The following BRAF variants were observed in gnomAD, a reference collection of about 807,000 sequenced individuals.
BRAF encodes B-Raf proto-oncogene, serine/threonine kinase, also known as serine/threonine-protein kinase B-raf.
In BRAF, 16 loss-of-function variants were observed where a neutral mutation model predicts 104.6. That is an observed-to-expected ratio of 0.15 (90% CI 0.10 to 0.23). The LOEUF is 0.23. Among genes scored for constraint, BRAF ranks in the 10% least tolerant of loss-of-function variants. The pLI is 1.00. For missense variants in BRAF, 541 were observed against 937.3 expected, an observed-to-expected ratio of 0.58 and a Z score of 5.52; for synonymous variants, 310 against 341.6, an observed-to-expected ratio of 0.91 and a Z score of 1.02.
At chr7:140,761,347 T>C (rs188272897) in intron 14 of BRAF, among the ~76,000 whole-genome samples, 8 of 152,120 alleles carry the variant, frequency 5.3e-5, no homozygotes, top group South Asian at 2.1e-4. Context: ...CTGAGAGATT[T>C]TGCCACCCCC....
rs777038089 is a variant in BRAF at position 140,778,037 on chromosome 7, T to A, written c.1591A>T (p.Thr531Ser). 1 of 1,613,350 alleles carries A rather than the reference T, an allele frequency of 6.2e-7. No individual in the cohort carries two copies. Among genetic ancestry groups the A allele is most frequent in the Non-Finnish European group, 8.5e-7 (1 of 1,179,776 alleles). The change falls in exon 13 of 20, where the codon ACA becomes TCA. Residue 531 changes from threonine (T) to serine (S), a missense_variant. Transcript: ENST00000644969. ...TTGAAGGCTTGTAACTGCTGAGGTG[T>A]AGGTGCTGTCACATTCAACATTTTC... ...AVKMLNVTAPTPQQLQAFKNE... is the reference protein window; with the variant it reads ...AVKMLNVTAPSPQQLQAFKNE...
intron 1 of BRAF, among the ~76,000 whole-genome samples, chr7:140,852,375 C>T (rs543775535): frequency 7.5e-5 from 11 of 147,458 alleles, no homozygotes; most frequent in South Asian, 4.4e-4. Flanking sequence ...TTTCTACCGC[C>T]ACCCCACAAC....
intron 3 of BRAF, among the ~76,000 whole-genome samples, chr7:140,821,166 T>C (rs780048505): frequency 2.0e-5 from 3 of 152,112 alleles, no homozygotes; most frequent in Non-Finnish European, 2.9e-5. Flanking sequence ...TAATTTTTTG[T>C]AGAGACAGGG....
chr7:140,838,073 CCAT>C (rs1250702218), intron 2 of BRAF, among the ~76,000 whole-genome samples: 1 of 152,148 alleles, frequency 6.6e-6, no homozygotes, highest in Non-Finnish European at 1.5e-5. Flanking sequence ...ACCACCACCA[CCAT>C]TTCTTTTGGT....
chr7:140,808,026 G>A lies in BRAF; in HGVS notation c.645C>T (p.Ser215=). 6.2e-7 allele frequency: 1 copy of A among 1,613,338 alleles called. No homozygotes were observed. Among genetic ancestry groups the A allele is most frequent in the African/African-American group, 1.3e-5 (1 of 74,968 alleles). ...CATGCAATTCTTCTCCAGTAAGCCA[G>A]GAAATATCAGTGTCCCAACCAATTG... The part of the protein sequence containing the change: ...KKPIGWDTDI[S]WLTGEELHVE... The change falls in exon 5 of 20, where the codon TCC becomes TCT. Residue 215 remains serine (S), a synonymous_variant. Coordinates refer to ENST00000644969, the MANE Select transcript of BRAF (RefSeq NM_001374258.1).
At chr7:140,826,079 T>C (rs1806016289) in intron 3 of BRAF, among the ~76,000 whole-genome samples, 1 of 152,206 alleles carries the variant, frequency 6.6e-6, no homozygotes, top group Admixed American at 6.5e-5. Context: ...TAACTCTCTT[T>C]CTTCACTTTC....
chr7:140,798,665 C>G (rs1321164332), intron 7 of BRAF, among the ~76,000 whole-genome samples: 1 of 150,150 alleles, frequency 6.7e-6, no homozygotes, highest in African/African-American at 2.5e-5. Context: ...CAGAAATGTT[C>G]CAAAGCTAAT....
rs920834742 is a variant in BRAF, at chr7:140,761,348, T to G, written c.1815-7115A>C. Among the ~76,000 whole-genome samples, 85 of 152,110 alleles carry G rather than the reference T, an allele frequency of 5.6e-4. 1 individual carries two copies. Among genetic ancestry groups the G allele is most frequent in the Non-Finnish European group, 1.3e-4 (9 of 68,028 alleles). ...CAGACAAGCAAATGCTGAGAGATTT[T>G]GCCACCCCCAGGCCTGCCCTAAAAG... On this transcript the variant is annotated intron_variant, in intron 14 of 19. Coordinates refer to ENST00000644969, the MANE Select transcript of BRAF (RefSeq NM_001374258.1).
Position 140,818,555 on chromosome 7 carries a change from C to T in BRAF, c.505-9560G>A, listed in dbSNP as rs377619062. 1.9e-4 allele frequency among the ~76,000 whole-genome samples: 29 copies of T among 152,158 alleles called. 1 individual carries two copies. The highest frequency in any genetic ancestry group is 1.5e-3 in the East Asian group (8 of 5,168). ...CTCGAACTCCTGACCTCAGGTGATC[C>T]GCCCGCCTTGGCCTCCCAAAGTGCT... On this transcript the variant is annotated intron_variant, in intron 3 of 19. Transcript: ENST00000644969.
chr7:140,796,505 A>C (rs1802511606), intron 7 of BRAF, among the ~76,000 whole-genome samples: 1 of 152,248 alleles, frequency 6.6e-6, no homozygotes, highest in African/African-American at 2.4e-5. Flanking sequence ...CATGTAGTAG[A>C]TAACAAATCA....
intron 2 of BRAF, among the ~76,000 whole-genome samples, chr7:140,837,220 C>T (rs1337249909): frequency 6.6e-6 from 1 of 152,190 alleles, no homozygotes; most frequent in Admixed American, 6.5e-5. Context: ...AACCTCTCAC[C>T]TCTAAAAGCA....
chr7:140,787,269 C>A (rs1801471849), intron 9 of BRAF, among the ~76,000 whole-genome samples: 1 of 143,374 alleles, frequency 7.0e-6, no homozygotes, highest in Admixed American at 7.2e-5. Flanking sequence ...CCACTGCACT[C>A]CAACCTGGGC....
chr7:140,841,116 T>C (rs1380166285), intron 2 of BRAF, among the ~76,000 whole-genome samples: 1 of 152,090 alleles, frequency 6.6e-6, no homozygotes, highest in Non-Finnish European at 1.5e-5. Context: ...TACAAATGGC[T>C]AACAAGAACA....
intron 1 of BRAF, among the ~76,000 whole-genome samples, chr7:140,853,883 T>C (rs560587817): frequency 8.5e-5 from 13 of 152,330 alleles, no homozygotes; most frequent in South Asian, 8.3e-4. Flanking sequence ...CAGGAGGGCA[T>C]AGGTTTTTGT....
chr7:140,923,684 GA>G (rs1477703724), intron 1 of BRAF, among the ~76,000 whole-genome samples: 1 of 152,220 alleles, frequency 6.6e-6, no homozygotes, highest in Non-Finnish European at 1.5e-5. Flanking sequence ...TCTGGGCTCA[GA>G]AAACAAGTAG....
chr7:140,909,841 ACAAC>A (rs1816775189), intron 1 of BRAF, among the ~76,000 whole-genome samples: 2 of 148,718 alleles, frequency 1.3e-5, no homozygotes, highest in African/African-American at 2.6e-5. Context: ...AACAACAACA[ACAAC>A]AAAAAAGTGC....
At chr7:140,747,682 T>C (rs1797463595) in intron 17 of BRAF, among the ~76,000 whole-genome samples, 1 of 152,162 alleles carries the variant, frequency 6.6e-6, no homozygotes, top group Non-Finnish European at 1.5e-5. Context: ...AAATATTATA[T>C]ACAGGAAAAG....
intron 4 of BRAF, chr7:140,808,375 A>T (rs1466225272): frequency 8.8e-6 from 4 of 455,708 alleles, no homozygotes; most frequent in Admixed American, 2.8e-5. Flanking sequence ...AAAAAAAAAA[A>T]AATCACAGGT....
rs1795238485 is a variant in BRAF at position 140,719,851 on chromosome 7, T to G, written c.*6643A>C. The stretch of plus-strand genomic sequence containing the variant: ...ACTCCACGAGAACCTTTTCAATGCT[T>G]GAGTGGAACTGAAGTGTACTAAACC... On this transcript the variant is annotated 3_prime_UTR_variant, in exon 20 of 20. Coordinates refer to ENST00000644969, the MANE Select transcript of BRAF (RefSeq NM_001374258.1). 1 of 1,062,764 alleles carries G rather than the reference T, an allele frequency of 9.4e-7. No homozygotes were observed. The allele number at this position is 1,062,764 out of a possible 1,614,324, so 65.8% of individuals were successfully genotyped here.
Sources: gnomAD v4.1 joint callset for allele counts (sites outside exome capture counted in the v4.1 genomes callset) on GRCh38, gnomAD v4.1.1 for gene constraint, MANE v1.5 for transcripts, NCBI Gene and HGNC (gene_info 2026-07-23, HGNC 2026-07-21) for gene names.